LHFPL3: variants seen among roughly 807,000 people sequenced by gnomAD.
LHFPL3 encodes the protein LHFPL tetraspan subfamily member 3.
Under a neutral mutation model 19.3 loss-of-function variants are expected in LHFPL3, and 5 were observed. The observed-to-expected ratio is 0.26, with a 90% confidence interval of 0.14 to 0.54. The LOEUF (loss-of-function observed/expected upper bound fraction) is 0.54. Ranked by LOEUF, LHFPL3 falls within the 20% of genes least tolerant of loss-of-function variation. The pLI is 0.94. For missense variants in LHFPL3, 249 were observed against 307.4 expected (o/e 0.81, Z 1.42); for synonymous variants, 133 against 126.2 (o/e 1.05, Z -0.36).
At chr7:104,530,345 GC>G in intron 1 of LHFPL3, among the ~76,000 whole-genome samples, 1 of 152,208 alleles carries the variant, frequency 6.6e-6, no homozygotes, top group African/African-American at 2.4e-5. Flanking sequence ...GCTCTTTATG[GC>G]CACAAATGAT....
At chr7:104,626,233 T>C (rs1201309155) in intron 1 of LHFPL3, among the ~76,000 whole-genome samples, 1 of 152,190 alleles carries the variant, frequency 6.6e-6, no homozygotes, top group Non-Finnish European at 1.5e-5. Flanking sequence ...GTGTGACTCA[T>C]TATCAGCCCC....
At chr7:104,482,775 C>A (rs1793161054) in intron 1 of LHFPL3, among the ~76,000 whole-genome samples, 1 of 152,206 alleles carries the variant, frequency 6.6e-6, no homozygotes. Context: ...TGCCATATGC[C>A]ACCTTTTCCC....
At chr7:104,787,309 C>G (rs117090605) in intron 2 of LHFPL3, among the ~76,000 whole-genome samples, 14 of 152,274 alleles carry the variant, frequency 9.2e-5, no homozygotes, top group African/African-American at 3.1e-4. Context: ...AGTAATGTGG[C>G]CTCAAACAAT....
At chr7:104,474,646 G>A (rs572411839) in intron 1 of LHFPL3, among the ~76,000 whole-genome samples, 17 of 130,020 alleles carry the variant, frequency 1.3e-4, no homozygotes, top group East Asian at 6.9e-4. Flanking sequence ...CAGCCTGGGC[G>A]ACAGAGCAAG....
At chr7:104,515,971 A>G (rs1793912189) in intron 1 of LHFPL3, among the ~76,000 whole-genome samples, 1 of 152,014 alleles carries the variant, frequency 6.6e-6, no homozygotes, top group Non-Finnish European at 1.5e-5. Context: ...ACATGTTCAG[A>G]TATCTTTACA....
At chr7:104,831,749 C>T (rs1790957572) in intron 2 of LHFPL3, among the ~76,000 whole-genome samples, 1 of 150,322 alleles carries the variant, frequency 6.7e-6, no homozygotes, top group Non-Finnish European at 1.5e-5. Flanking sequence ...TTCAAAATAC[C>T]ATATAACACA....
At chr7:104,789,724 T>C (rs990934277) in intron 2 of LHFPL3, among the ~76,000 whole-genome samples, 2 of 152,138 alleles carry the variant, frequency 1.3e-5, no homozygotes, top group Non-Finnish European at 2.9e-5. Flanking sequence ...ATTCATAAAC[T>C]ATGTTTTTCC....
chr7:104,625,680 T>A (rs1791530496), intron 1 of LHFPL3, among the ~76,000 whole-genome samples: 3 of 152,148 alleles, frequency 2.0e-5, no homozygotes, highest in African/African-American at 7.2e-5. Context: ...AGCCTCTTTT[T>A]CTCATTGGCT....
At chr7:104,603,066 T>TTTCTTTCTTTC (rs1791002946) in intron 1 of LHFPL3, among the ~76,000 whole-genome samples, 1 of 108,904 alleles carries the variant, frequency 9.2e-6, no homozygotes, top group Non-Finnish European at 1.8e-5. Context: ...CTTTCTTTCT[T>TTTCTTTCTTTC]TTTCTTTCTT....
chr7:104,876,915 G>T (rs569059211), intron 2 of LHFPL3, among the ~76,000 whole-genome samples: 1 of 152,284 alleles, frequency 6.6e-6, no homozygotes, highest in South Asian at 2.1e-4. Flanking sequence ...AGAAAATGTG[G>T]CACATATACA....
intron 1 of LHFPL3, among the ~76,000 whole-genome samples, chr7:104,376,586 G>A (rs1001429669): frequency 1.3e-5 from 2 of 152,146 alleles, no homozygotes; most frequent in African/African-American, 2.4e-5. Context: ...GGCCTGAACT[G>A]GCAGGGAGTT....
At chr7:104,830,376 T>G (rs6976283) in intron 2 of LHFPL3, among the ~76,000 whole-genome samples, 32,736 of 151,584 alleles carry the variant, frequency 0.22, 3,872 homozygotes, top group South Asian at 0.39. Context: ...TTGCCATTGC[T>G]TTTGGTGTTT....
rs529532283 is a variant in LHFPL3, at chr7:104,385,913, C to G, written c.445+56689C>G. On this transcript the variant is annotated intron_variant, in intron 1 of 2. Coordinates refer to ENST00000424859, the MANE Select transcript of LHFPL3 (RefSeq NM_199000.3). ...GGAGAAAGGGCCTCCAATAATTACT[C>G]CTCCATAAAAGCAATGAAAACATTG... is the stretch of plus-strand genomic sequence containing the variant. Among the ~76,000 whole-genome samples the G allele has an allele frequency of 5.0e-3, 336 of 66,730 alleles. 2 individuals carry two copies. The highest frequency in any genetic ancestry group is 0.016 in the African/African-American group (325 of 20,812). 43.8% of individuals were successfully genotyped at this position (66,730 alleles called of 152,430 possible).
In LHFPL3 at chr7:104,672,058, AGTGTGTGTGT is replaced by A. The variant is rs71155518; in HGVS notation, c.446-64596_446-64587del. Reference sequence around the variant, plus strand: ...TCCTTCTTCAAAACTTTAACTTCCAAGTGTGTGTGTGTGTGTGTGTGTGTGTGTGTTTGCA... The same window carrying A: ...TCCTTCTTCAAAACTTTAACTTCCAAGTGTGTGTGTGTGTGTGTGTTTGCA... On this transcript the variant is annotated intron_variant, in intron 1 of 2. Transcript: ENST00000424859. Among the ~76,000 whole-genome samples, 262 of 148,798 alleles carry A rather than the reference AGTGTGTGTGT, an allele frequency of 1.8e-3. 2 individuals carry two copies. The highest frequency in any genetic ancestry group is 5.9e-3 in the African/African-American group (239 of 40,424).
chr7:104,774,771 TTTTA>T (rs1794613417), intron 2 of LHFPL3, among the ~76,000 whole-genome samples: 1 of 152,230 alleles, frequency 6.6e-6, no homozygotes, highest in Non-Finnish European at 1.5e-5. Context: ...ATCATGTTCC[TTTTA>T]CAGAGTTTTG....
At chr7:104,695,697 C>T (rs748966622) in intron 1 of LHFPL3, among the ~76,000 whole-genome samples, 1 of 152,140 alleles carries the variant, frequency 6.6e-6, no homozygotes, top group Non-Finnish European at 1.5e-5. Flanking sequence ...AGGAAAATTA[C>T]CACCTACCCA....
intron 2 of LHFPL3, among the ~76,000 whole-genome samples, chr7:104,801,966 T>A (rs1018055865): frequency 1.3e-5 from 2 of 152,200 alleles, no homozygotes; most frequent in African/African-American, 4.8e-5. Flanking sequence ...AGAAAAATGC[T>A]ATTTTTTTCA....
intron 1 of LHFPL3, among the ~76,000 whole-genome samples, chr7:104,659,081 G>C (rs1351801612): frequency 6.6e-6 from 1 of 152,194 alleles, no homozygotes; most frequent in African/African-American, 2.4e-5. Flanking sequence ...ACACAGTTCT[G>C]TGCCTTTGCA....
At position 104,907,592 on chromosome 7, in the gene LHFPL3, A is replaced by G. The variant is rs1333961842; in HGVS notation, c.*1377A>G. Among the ~76,000 whole-genome samples, 2 of 152,212 alleles carry G rather than the reference A, an allele frequency of 1.3e-5. No homozygotes were observed. The highest frequency in any genetic ancestry group is 6.5e-5 in the Admixed American group (1 of 15,278). ...CATTGCCTGAGAATGAACACAAGCT[A>G]AAATACATGCAAGGGTACTTAATGG... On this transcript the variant is annotated 3_prime_UTR_variant, in exon 3 of 3. Coordinates refer to ENST00000424859, the MANE Select transcript of LHFPL3 (RefSeq NM_199000.3).
Sources: gnomAD v4.1 joint callset for allele counts (sites outside exome capture counted in the v4.1 genomes callset) on GRCh38, gnomAD v4.1.1 for gene constraint, MANE v1.5 for transcripts, NCBI Gene and HGNC (gene_info 2026-07-23, HGNC 2026-07-21) for gene names.